Variants in UNC5C observed in about 807,000 individuals in gnomAD.
UNC5C encodes netrin receptor UNC5C.
UNC5C carries 47 observed loss-of-function variants against 99.8 expected under a neutral mutation model. The observed-to-expected ratio is 0.47, with a 90% CI of 0.37 to 0.60. UNC5C has a LOEUF of 0.60. Among genes scored for constraint, UNC5C ranks in the 20% least tolerant of loss-of-function variants. The pLI is 0.00. For synonymous variants in UNC5C, 487 were observed against 452.2 expected (o/e 1.08, Z -0.98); for missense variants, 1,062 against 1,165.9 (o/e 0.91, Z 1.30).
At chr4:95,538,875 T>C (rs1348593027) in intron 1 of UNC5C, among the ~76,000 whole-genome samples, 1 of 152,188 alleles carries the variant, frequency 6.6e-6, no homozygotes, top group Non-Finnish European at 1.5e-5. Flanking sequence ...AGTAACAAGC[T>C]TTCCTTCCTC....
intron 1 of UNC5C, among the ~76,000 whole-genome samples, chr4:95,483,569 G>A (rs1578188455): frequency 1.3e-5 from 2 of 151,624 alleles, no homozygotes; most frequent in Non-Finnish European, 2.9e-5. Context: ...ATTTAGTAAG[G>A]CTGAGAAACA....
At chr4:95,450,641 T>G (rs931080285) in intron 1 of UNC5C, among the ~76,000 whole-genome samples, 2 of 152,354 alleles carry the variant, frequency 1.3e-5, no homozygotes, top group East Asian at 3.9e-4. Flanking sequence ...TATCTATTAT[T>G]AGTAATGCTG....
intron 7 of UNC5C, among the ~76,000 whole-genome samples, chr4:95,226,615 C>T (rs1248374041): frequency 1.3e-5 from 2 of 152,106 alleles, no homozygotes; most frequent in African/African-American, 2.4e-5. Flanking sequence ...TCAGAGAAGC[C>T]GTATGCAATG....
intron 1 of UNC5C, among the ~76,000 whole-genome samples, chr4:95,400,680 C>A (rs1012646606): frequency 6.6e-6 from 1 of 152,102 alleles, no homozygotes; most frequent in Admixed American, 6.5e-5. Context: ...CGTGAGCCAC[C>A]GCGCCCGGCC....
At chr4:95,209,700 A>G (rs1181888980) in intron 10 of UNC5C, among the ~76,000 whole-genome samples, 5 of 152,072 alleles carry the variant, frequency 3.3e-5, no homozygotes, top group Non-Finnish European at 7.4e-5. Flanking sequence ...TCTTAACCCA[A>G]TTTGTCCTTC....
intron 1 of UNC5C, among the ~76,000 whole-genome samples, chr4:95,467,999 G>A (rs1334805483): frequency 6.6e-6 from 1 of 152,092 alleles, no homozygotes; most frequent in Non-Finnish European, 1.5e-5. Context: ...AGGAGCAGGA[G>A]GATGAGGAGG....
intron 14 of UNC5C, among the ~76,000 whole-genome samples, chr4:95,181,502 T>TTTG (rs1350226659): frequency 6.6e-6 from 1 of 152,190 alleles, no homozygotes; most frequent in East Asian, 1.9e-4. Flanking sequence ...TTCCGCAGCC[T>TTTG]TTGTTGTCAC....
intron 4 of UNC5C, among the ~76,000 whole-genome samples, chr4:95,260,134 C>A (rs1371502666): frequency 6.6e-6 from 1 of 152,166 alleles, no homozygotes; most frequent in South Asian, 2.1e-4. Context: ...CCTCATTAAA[C>A]TTTGTTTTCA....
At chr4:95,183,197 C>T (rs1464802761) in intron 13 of UNC5C, 136 bp from the exon 14 acceptor site, 2 of 788,800 alleles carry the variant, frequency 2.5e-6, no homozygotes, top group Admixed American at 5.4e-5. Flanking sequence ...TGTTTAAGTA[C>T]ATCCTGGACC....
intron 1 of UNC5C, among the ~76,000 whole-genome samples, chr4:95,374,948 T>C (rs1177765366): frequency 2.0e-5 from 3 of 152,230 alleles, no homozygotes; most frequent in Non-Finnish European, 4.4e-5. Flanking sequence ...TGAACTATAA[T>C]GCTGAATATT....
chr4:95,203,231 A>G (rs1414543732), intron 11 of UNC5C, among the ~76,000 whole-genome samples: 2 of 152,184 alleles, frequency 1.3e-5, no homozygotes, highest in African/African-American at 4.8e-5. Context: ...TGTACGTGTG[A>G]AAAGAATTAG....
At chr4:95,366,372 T>A (rs1200929984) in intron 1 of UNC5C, among the ~76,000 whole-genome samples, 1 of 152,220 alleles carries the variant, frequency 6.6e-6, no homozygotes, top group Non-Finnish European at 1.5e-5. Context: ...TTATATTTCA[T>A]CCAAGATTTA....
chr4:95,422,554 G>GCA (rs1197702759), intron 1 of UNC5C, among the ~76,000 whole-genome samples: 1 of 133,172 alleles, frequency 7.5e-6, no homozygotes, highest in East Asian at 2.2e-4. Context: ...ACCGGGGGCT[G>GCA]TATTTTTTTC....
chr4:95,520,121 G>T (rs1683409665), intron 1 of UNC5C, among the ~76,000 whole-genome samples: 3 of 152,084 alleles, frequency 2.0e-5, no homozygotes, highest in African/African-American at 7.2e-5. Flanking sequence ...CTTTCCCAAG[G>T]TCACAGAGCT....
chr4:95,292,888 A>C (rs1447154140), intron 3 of UNC5C, among the ~76,000 whole-genome samples: 1 of 152,192 alleles, frequency 6.6e-6, no homozygotes, highest in Non-Finnish European at 1.5e-5. Context: ...CACTGGAGAC[A>C]ACAAGGAAGA....
intron 1 of UNC5C, among the ~76,000 whole-genome samples, chr4:95,523,124 G>A (rs1722403095): frequency 6.6e-6 from 1 of 152,184 alleles, no homozygotes; most frequent in African/African-American, 2.4e-5. Context: ...AGGAGGGGCT[G>A]AGCAAGAATG....
At chr4:95,283,908 C>T (rs1387379006) in intron 3 of UNC5C, among the ~76,000 whole-genome samples, 1 of 152,190 alleles carries the variant, frequency 6.6e-6, no homozygotes, top group Non-Finnish European at 1.5e-5. Flanking sequence ...AAGCTATCGT[C>T]ATATGTATGC....
In UNC5C at chr4:95,291,035, AT is replaced by A. The variant is rs1579299933; in HGVS notation, c.490+10570del. ...AGGACAATTTCAGCCATTCTTCGTTATTTCTTGACTTTTGGGCATTTATAGG... is the reference window on the plus strand; with the variant it reads ...AGGACAATTTCAGCCATTCTTCGTTATTCTTGACTTTTGGGCATTTATAGG... On this transcript the variant is annotated intron_variant, in intron 3 of 15. Transcript: ENST00000453304. Among the ~76,000 whole-genome samples, 6 of 152,192 alleles carry A rather than the reference AT, an allele frequency of 3.9e-5. No individual in the cohort carries two copies. The East Asian group carries it at 1.2e-3, about 29-fold the overall frequency.
chr4:95,199,610 A>AATC (rs1193471360), intron 12 of UNC5C, among the ~76,000 whole-genome samples: 1 of 152,194 alleles, frequency 6.6e-6, no homozygotes, highest in Non-Finnish European at 1.5e-5. Context: ...TAATTATAAT[A>AATC]ATCAGAATTA....
Sources: gnomAD v4.1 joint callset for allele counts (sites outside exome capture counted in the v4.1 genomes callset) on GRCh38, gnomAD v4.1.1 for gene constraint, MANE v1.5 for transcripts, NCBI Gene and HGNC (gene_info 2026-07-23, HGNC 2026-07-21) for gene names.